Variants in CTNNA3 observed in about 807,000 individuals in gnomAD.
CTNNA3 encodes catenin alpha 3, also known as catenin alpha-3.
A neutral mutation model predicts 95.7 loss-of-function variants in CTNNA3; 76 were observed. The observed-to-expected ratio is 0.79, with a 90% CI of 0.66 to 0.96. The LOEUF (loss-of-function observed/expected upper bound fraction) is 0.96. CTNNA3 is among the 40% of genes least tolerant of loss of function. The pLI, the probability that CTNNA3 is intolerant of heterozygous loss-of-function variation, is 0.00. For synonymous variants in CTNNA3, 431 were observed against 374.4 expected, an observed-to-expected ratio of 1.15 and a Z score of -1.74; for missense variants, 1,191 against 1,089.8, an observed-to-expected ratio of 1.09 and a Z score of -1.31.
chr10:66,813,141 C>T (rs1841946830), intron 7 of CTNNA3, among the ~76,000 whole-genome samples: 1 of 152,082 alleles, frequency 6.6e-6, no homozygotes, highest in Non-Finnish European at 1.5e-5. Flanking sequence ...ACATCATGTT[C>T]AGAGTTTTGG....
intron 11 of CTNNA3, among the ~76,000 whole-genome samples, chr10:66,456,775 T>C (rs1220075328): frequency 1.3e-5 from 2 of 152,038 alleles, no homozygotes; most frequent in African/African-American, 2.4e-5. Context: ...ATGATGTAAA[T>C]ATGAAATGAA....
At chr10:67,761,560 C>T (rs1398592499) in intron 1 of CTNNA3, among the ~76,000 whole-genome samples, 1 of 152,100 alleles carries the variant, frequency 6.6e-6, no homozygotes, top group African/African-American at 2.4e-5. Context: ...CCCAAATTAG[C>T]TTAATTGAAA....
At chr10:67,105,922 T>G (rs1460761046) in intron 7 of CTNNA3, among the ~76,000 whole-genome samples, 1 of 152,184 alleles carries the variant, frequency 6.6e-6, no homozygotes, top group Non-Finnish European at 1.5e-5. Context: ...CCTTTGGATG[T>G]GATGGAAACT....
chr10:66,939,877 C>A (rs1847904935), intron 7 of CTNNA3, among the ~76,000 whole-genome samples: 1 of 152,168 alleles, frequency 6.6e-6, no homozygotes, highest in Non-Finnish European at 1.5e-5. Context: ...TTGTAACAAT[C>A]TTCCAAGAAC....
At chr10:67,317,940 A>G (rs1477902241) in intron 5 of CTNNA3, among the ~76,000 whole-genome samples, 1 of 152,160 alleles carries the variant, frequency 6.6e-6, no homozygotes, top group Non-Finnish European at 1.5e-5. Context: ...AGACAGCTTA[A>G]TAAACTTTTT....
At chr10:67,414,723 G>C (rs1845485281) in intron 5 of CTNNA3, among the ~76,000 whole-genome samples, 1 of 152,132 alleles carries the variant, frequency 6.6e-6, no homozygotes, top group African/African-American at 2.4e-5. Flanking sequence ...ACATCAAAAA[G>C]TTAATACACC....
At chr10:67,576,084 T>G (rs1842134219) in intron 3 of CTNNA3, among the ~76,000 whole-genome samples, 1 of 152,196 alleles carries the variant, frequency 6.6e-6, no homozygotes, top group Non-Finnish European at 1.5e-5. Context: ...GAACCCACCC[T>G]TAGACAGAAA....
chr10:66,514,327 C>T (rs1840764336), intron 11 of CTNNA3, among the ~76,000 whole-genome samples: 1 of 152,036 alleles, frequency 6.6e-6, no homozygotes, highest in Non-Finnish European at 1.5e-5. Flanking sequence ...GATTCTACAG[C>T]AACTTAGGGA....
At chr10:66,073,632 A>G (rs745804049) in intron 14 of CTNNA3, among the ~76,000 whole-genome samples, 14 of 151,956 alleles carry the variant, frequency 9.2e-5, no homozygotes, top group Non-Finnish European at 2.1e-4. Context: ...TGTCCATTTT[A>G]TCCTTTATCA....
At chr10:67,583,126 C>T (rs983176586) in intron 3 of CTNNA3, among the ~76,000 whole-genome samples, 5 of 152,146 alleles carry the variant, frequency 3.3e-5, no homozygotes, top group African/African-American at 1.2e-4. Flanking sequence ...TTATTTTGCT[C>T]ATTAGTTGAT....
In CTNNA3 at chr10:66,352,211, G is replaced by C. The variant is rs567950632; in HGVS notation, c.1732+26941C>G. Among the ~76,000 whole-genome samples the C allele has an allele frequency of 7.2e-5, 11 of 152,212 alleles. No individual in the cohort carries two copies. The South Asian group carries it at 1.2e-3, about 17-fold the overall frequency. ...CTTAGTAGGTAACAAGGCCCCAGCA[G>C]TCAGACTGAAGACTCAAACATACAT... On this transcript the variant is annotated intron_variant, in intron 12 of 17. Coordinates refer to ENST00000433211, the MANE Select transcript of CTNNA3 (RefSeq NM_013266.4).
At chr10:67,016,503 G>T (rs1409430450) in intron 7 of CTNNA3, among the ~76,000 whole-genome samples, 1 of 152,138 alleles carries the variant, frequency 6.6e-6, no homozygotes, top group African/African-American at 2.4e-5. Flanking sequence ...GTAGAGAATA[G>T]AACGAGGTTG....
At chr10:65,951,889 G>T (rs775020519) in intron 17 of CTNNA3, among the ~76,000 whole-genome samples, 1 of 152,062 alleles carries the variant, frequency 6.6e-6, no homozygotes, top group Non-Finnish European at 1.5e-5. Context: ...AATTAGCCGG[G>T]CGTGATGGCG....
chr10:66,812,416 C>T (rs1841918339), intron 7 of CTNNA3, among the ~76,000 whole-genome samples: 1 of 151,972 alleles, frequency 6.6e-6, no homozygotes, highest in African/African-American at 2.4e-5. Context: ...ATGCTAAATC[C>T]TAATTCATTA....
chr10:66,577,593 C>T (rs1426502737), intron 10 of CTNNA3, among the ~76,000 whole-genome samples: 2 of 152,020 alleles, frequency 1.3e-5, no homozygotes, highest in Admixed American at 1.3e-4. Context: ...GTCCCTTCCC[C>T]ATTGCTTGTT....
chr10:66,972,368 C>T (rs887719953), intron 7 of CTNNA3, among the ~76,000 whole-genome samples: 4 of 152,086 alleles, frequency 2.6e-5, no homozygotes, highest in Non-Finnish European at 5.9e-5. Flanking sequence ...GTTGCCCAGG[C>T]TTGCCTCAAA....
chr10:66,863,870 G>T (rs1844056925), intron 7 of CTNNA3, among the ~76,000 whole-genome samples: 1 of 151,998 alleles, frequency 6.6e-6, no homozygotes, highest in Non-Finnish European at 1.5e-5. Flanking sequence ...CACATAGTTG[G>T]TAAGAAATAT....
intron 10 of CTNNA3, among the ~76,000 whole-genome samples, chr10:66,605,074 G>A (rs1844070673): frequency 1.3e-5 from 2 of 152,066 alleles, no homozygotes; most frequent in South Asian, 4.1e-4. Flanking sequence ...TAAAACAACA[G>A]AAACGGACAG....
chr10:66,198,679 A>G (rs1036807467), intron 13 of CTNNA3, among the ~76,000 whole-genome samples: 1 of 152,190 alleles, frequency 6.6e-6, no homozygotes, highest in Non-Finnish European at 1.5e-5. Flanking sequence ...ATTAATAATT[A>G]AAGACTTAGC....
Sources: allele counts gnomAD v4.1 joint callset (sites outside exome capture counted in the v4.1 genomes callset), GRCh38; gene constraint gnomAD v4.1.1; transcripts MANE v1.5; gene names NCBI Gene and HGNC (gene_info 2026-07-23, HGNC 2026-07-21).